The following SOX5 variants were observed in gnomAD, a reference collection of about 807,000 sequenced individuals.
SOX5 encodes the protein transcription factor SOX-5.
Under a neutral mutation model 92.0 loss-of-function variants are expected in SOX5, and 9 were observed. That is an observed-to-expected ratio of 0.10 (90% confidence interval 0.06 to 0.17). The LOEUF (loss-of-function observed/expected upper bound fraction) is 0.17. SOX5 is among the 10% of genes least tolerant of loss of function. The pLI, the probability that SOX5 is intolerant of heterozygous loss-of-function variation, is 1.00. For synonymous variants in SOX5, 344 were observed against 336.3 expected (o/e 1.02, Z -0.25); for missense variants, 642 against 944.5 (o/e 0.68, Z 4.20).
At chr12:24,499,754 CTT>C (rs35069628) in intron 1 of SOX5, among the ~76,000 whole-genome samples, 2,228 of 139,398 alleles carry the variant, frequency 0.016, 59 homozygotes, top group Admixed American at 0.069. Flanking sequence ...AAAAATCTGC[CTT>C]TTTTTTTTTT....
intron 4 of SOX5, among the ~76,000 whole-genome samples, chr12:23,981,006 C>T (rs981799869): frequency 2.0e-5 from 3 of 152,092 alleles, no homozygotes; most frequent in East Asian, 1.9e-4. Flanking sequence ...ACAGGAATAA[C>T]GTGTTTGCCC....
At chr12:23,597,627 C>T (rs1229034536) in intron 9 of SOX5, among the ~76,000 whole-genome samples, 1 of 152,152 alleles carries the variant, frequency 6.6e-6, no homozygotes, top group East Asian at 1.9e-4. Flanking sequence ...ATGTCCCACC[C>T]AGGAAGTGAT....
chr12:24,374,385 G>A (rs1957036664), intron 1 of SOX5, among the ~76,000 whole-genome samples: 1 of 152,150 alleles, frequency 6.6e-6, no homozygotes, highest in Non-Finnish European at 1.5e-5. Context: ...ACCGCTAAAG[G>A]AAGGAAAACG....
intron 3 of SOX5, among the ~76,000 whole-genome samples, chr12:24,267,093 T>C (rs1943117049): frequency 6.6e-6 from 1 of 152,174 alleles, no homozygotes; most frequent in Non-Finnish European, 1.5e-5. Flanking sequence ...AGATTTGACA[T>C]GTCTAGGATA....
At chr12:24,101,618 A>G (rs1265453131) in intron 4 of SOX5, among the ~76,000 whole-genome samples, 2 of 152,146 alleles carry the variant, frequency 1.3e-5, no homozygotes, top group Non-Finnish European at 2.9e-5. Context: ...ACTGGACACT[A>G]TACATCAAAA....
intron 4 of SOX5, among the ~76,000 whole-genome samples, chr12:23,989,213 A>C (rs984280699): frequency 1.1e-4 from 11 of 104,294 alleles, no homozygotes; most frequent in African/African-American, 2.9e-4. Context: ...TCTCTGCCAA[A>C]AATACAAAAA....
intron 4 of SOX5, among the ~76,000 whole-genome samples, chr12:24,183,828 A>C (rs1307736917): frequency 6.6e-6 from 1 of 152,170 alleles, no homozygotes; most frequent in South Asian, 2.1e-4. Flanking sequence ...ATATGAACTT[A>C]GCAAGTAATT....
At chr12:23,892,992 CT>C (rs957675204) in intron 2 of SOX5, among the ~76,000 whole-genome samples, 2 of 152,198 alleles carry the variant, frequency 1.3e-5, no homozygotes, top group Non-Finnish European at 1.5e-5. Flanking sequence ...CTGCGTAAAC[CT>C]GTCTCTAAAA....
At chr12:24,140,446 G>C (rs1443473156) in intron 4 of SOX5, among the ~76,000 whole-genome samples, 1 of 152,106 alleles carries the variant, frequency 6.6e-6, no homozygotes, top group Non-Finnish European at 1.5e-5. Flanking sequence ...ATTTTATCAT[G>C]TATACCATTA....
intron 3 of SOX5, among the ~76,000 whole-genome samples, chr12:23,812,714 A>T (rs1458301988): frequency 6.6e-6 from 1 of 152,170 alleles, no homozygotes; most frequent in Non-Finnish European, 1.5e-5. Context: ...ACCACCATTC[A>T]TACTTTAAAG....
chr12:24,526,235 G>A (rs965339334), intron 1 of SOX5, among the ~76,000 whole-genome samples: 1 of 151,826 alleles, frequency 6.6e-6, no homozygotes, highest in Non-Finnish European at 1.5e-5. Context: ...TAGCTGGAAA[G>A]AAATGGCACT....
At chr12:24,129,079 T>C (rs541463290) in intron 4 of SOX5, among the ~76,000 whole-genome samples, 1 of 152,320 alleles carries the variant, frequency 6.6e-6, no homozygotes, top group African/African-American at 2.4e-5. Context: ...CAGTCATGAC[T>C]TAACTTCACA....
At chr12:24,333,138 G>A (rs1269518883) in intron 2 of SOX5, among the ~76,000 whole-genome samples, 1 of 151,974 alleles carries the variant, frequency 6.6e-6, no homozygotes, top group Admixed American at 6.5e-5. Flanking sequence ...CCCCAGTAAA[G>A]TTTCTAAGAA....
At chr12:24,053,658 C>A (rs80201029) in intron 4 of SOX5, among the ~76,000 whole-genome samples, 5,648 of 152,228 alleles carry the variant, frequency 0.037, 124 homozygotes, top group Admixed American at 0.061. Context: ...TTCCCAAAGT[C>A]ATTTCATTGT....
chr12:24,223,783 CAACAAACA>C (rs534969003), intron 3 of SOX5, among the ~76,000 whole-genome samples: 190 of 151,958 alleles, frequency 1.3e-3, no homozygotes, highest in African/African-American at 3.6e-3. Flanking sequence ...AAACAAAAAA[CAACAAACA>C]AACAAACAAA....
chr12:23,874,727 A>G (rs1324203620), intron 2 of SOX5, among the ~76,000 whole-genome samples: 3 of 152,166 alleles, frequency 2.0e-5, no homozygotes, highest in African/African-American at 7.2e-5. Context: ...GAGTACAAAT[A>G]TACTCTCATG....
At chr12:24,535,147 C>A (rs1375039580) in intron 1 of SOX5, among the ~76,000 whole-genome samples, 1 of 152,138 alleles carries the variant, frequency 6.6e-6, no homozygotes, top group Non-Finnish European at 1.5e-5. Context: ...ATTTACCATC[C>A]CATATTTGGG....
At chr12:24,125,803 T>A (rs376939726) in intron 4 of SOX5, among the ~76,000 whole-genome samples, 1 of 152,186 alleles carries the variant, frequency 6.6e-6, no homozygotes, top group African/African-American at 2.4e-5. Context: ...GGTCTGGAGC[T>A]TTCTTTTGGG....
At chr12:24,174,808 G>A (rs1392732073) in intron 4 of SOX5, among the ~76,000 whole-genome samples, 1 of 151,252 alleles carries the variant, frequency 6.6e-6, no homozygotes, top group African/African-American at 2.4e-5. Flanking sequence ...CCACAAGAGT[G>A]AACTTCCATC....
Sources: gnomAD v4.1 joint callset for allele counts (sites outside exome capture counted in the v4.1 genomes callset) on GRCh38, gnomAD v4.1.1 for gene constraint, MANE v1.5 for transcripts, NCBI Gene and HGNC (gene_info 2026-07-23, HGNC 2026-07-21) for gene names.